The following ST6GALNAC3 variants were observed in gnomAD, a reference collection of about 807,000 sequenced individuals.
ST6GALNAC3 encodes ST6 N-acetylgalactosaminide alpha-2,6-sialyltransferase 3, also known as alpha-N-acetylgalactosaminide alpha-2,6-sialyltransferase 3.
Under a neutral mutation model 32.7 loss-of-function variants are expected in ST6GALNAC3, and 25 were observed. The observed-to-expected ratio is 0.76, with a 90% CI of 0.56 to 1.07. The LOEUF (loss-of-function observed/expected upper bound fraction) is 1.07. ST6GALNAC3 is among the 50% of genes least tolerant of loss of function. The pLI, the probability that ST6GALNAC3 is intolerant of heterozygous loss-of-function variation, is 0.00. For missense variants in ST6GALNAC3, 355 were observed against 382.4 expected (o/e 0.93, Z 0.60); for synonymous variants, 129 against 133.1 (o/e 0.97, Z 0.21).
intron 3 of ST6GALNAC3, among the ~76,000 whole-genome samples, chr1:76,550,825 G>A (rs971599519): frequency 2.6e-5 from 4 of 151,992 alleles, no homozygotes; most frequent in Non-Finnish European, 4.4e-5. Flanking sequence ...ATCTCAGTTC[G>A]GTTCACTGCA....
chr1:76,281,133 A>G (rs922864110), intron 1 of ST6GALNAC3, among the ~76,000 whole-genome samples: 1 of 152,218 alleles, frequency 6.6e-6, no homozygotes, highest in Non-Finnish European at 1.5e-5. Flanking sequence ...TAGCAGAGCC[A>G]CTAACTGATA....
At chr1:76,356,434 T>TAAA (rs3079481) in intron 2 of ST6GALNAC3, among the ~76,000 whole-genome samples, 36,771 of 120,144 alleles carry the variant, frequency 0.31, 7,454 homozygotes, top group African/African-American at 0.55. Context: ...ACAGTAGGGT[T>TAAA]AAAAAAAAAA....
chr1:76,567,156 C>T lies in ST6GALNAC3; in HGVS notation c.624-60296C>T, dbSNP rs561870487. On this transcript the variant is annotated intron_variant, in intron 3 of 4. Coordinates refer to ENST00000328299, the MANE Select transcript of ST6GALNAC3 (RefSeq NM_152996.4). Reference sequence around the variant, plus strand: ...AAAGAGTATTTTTGTAATCTTTTTTCAGCAAATGCCTGGATCAAATTCAAT... The same window carrying T: ...AAAGAGTATTTTTGTAATCTTTTTTTAGCAAATGCCTGGATCAAATTCAAT... 1.1e-4 allele frequency among the ~76,000 whole-genome samples: 17 copies of T among 152,240 alleles called. 1 individual carries two copies. In the East Asian group the frequency reaches 3.1e-3, roughly 28 times the overall value.
chr1:76,572,709 G>A (rs1313559186), intron 3 of ST6GALNAC3, among the ~76,000 whole-genome samples: 1 of 152,058 alleles, frequency 6.6e-6, no homozygotes, highest in Non-Finnish European at 1.5e-5. Flanking sequence ...GAACACTTAT[G>A]GAATAAGCCA....
chr1:76,632,804 A>AAAC lies in ST6GALNAC3; in HGVS notation c.*4007_*4009dup, dbSNP rs146635024. 6.6e-6 allele frequency: 1 copy of AAAC among 151,604 alleles called. No individual in the cohort carries two copies. Among genetic ancestry groups the AAAC allele is most frequent in the Admixed American group, 6.7e-5 (1 of 15,026 alleles). 9.4% of individuals were successfully genotyped at this position (151,604 alleles called of 1,614,324 possible). On this transcript the variant is annotated 3_prime_UTR_variant, in exon 5 of 5. Coordinates refer to ENST00000328299, the MANE Select transcript of ST6GALNAC3 (RefSeq NM_152996.4). ...ATAATCAGATGACTGATTTAAAAAAAAACAACAACAATGTGCCCATCTAGC... is the reference window on the plus strand; with the variant it reads ...ATAATCAGATGACTGATTTAAAAAAAAACAACAACAACAATGTGCCCATCTAGC...
At chr1:76,175,848 G>A (rs1652816394) in intron 1 of ST6GALNAC3, among the ~76,000 whole-genome samples, 1 of 152,096 alleles carries the variant, frequency 6.6e-6, no homozygotes, top group Admixed American at 6.5e-5. Context: ...TAAGACTGAA[G>A]GTACTAATCA....
chr1:76,604,530 C>A (rs1446101508), intron 3 of ST6GALNAC3, among the ~76,000 whole-genome samples: 2 of 152,192 alleles, frequency 1.3e-5, no homozygotes, highest in Non-Finnish European at 2.9e-5. Flanking sequence ...GCTCACACCT[C>A]AAATGTTAGT....
chr1:76,349,708 C>T (rs1381529385), intron 2 of ST6GALNAC3, among the ~76,000 whole-genome samples: 2 of 152,164 alleles, frequency 1.3e-5, no homozygotes, highest in Non-Finnish European at 2.9e-5. Context: ...ATTGACTCCT[C>T]TCTATAAAAA....
chr1:76,278,954 A>G (rs1356086150), intron 1 of ST6GALNAC3, among the ~76,000 whole-genome samples: 6 of 152,226 alleles, frequency 3.9e-5, no homozygotes, highest in Non-Finnish European at 7.3e-5. Flanking sequence ...GCATTTGAGT[A>G]CAATGACCGG....
At chr1:76,253,659 T>C (rs1333668552) in intron 1 of ST6GALNAC3, among the ~76,000 whole-genome samples, 3 of 152,290 alleles carry the variant, frequency 2.0e-5, no homozygotes, top group Admixed American at 6.5e-5. Context: ...TGGAAAATTA[T>C]TGATGCAATT....
intron 2 of ST6GALNAC3, among the ~76,000 whole-genome samples, chr1:76,320,033 A>C (rs148837374): frequency 1.3e-5 from 2 of 152,222 alleles, no homozygotes; most frequent in South Asian, 4.1e-4. Context: ...CTTTCAATCA[A>C]TGACCATATC....
chr1:76,493,324 A>C (rs1470901038), intron 3 of ST6GALNAC3, among the ~76,000 whole-genome samples: 1 of 152,208 alleles, frequency 6.6e-6, no homozygotes, highest in Non-Finnish European at 1.5e-5. Context: ...AGTGCTGCAA[A>C]ATAACCCTTA....
intron 1 of ST6GALNAC3, among the ~76,000 whole-genome samples, chr1:76,171,093 G>GTGTA (rs956425623): frequency 6.2e-5 from 1 of 16,060 alleles, no homozygotes; most frequent in East Asian, 0.038. Context: ...AGAGGGGTGT[G>GTGTA]TGTGTGTGTG....
At chr1:76,390,163 G>T (rs982177897) in intron 2 of ST6GALNAC3, among the ~76,000 whole-genome samples, 1 of 151,926 alleles carries the variant, frequency 6.6e-6, no homozygotes, top group African/African-American at 2.4e-5. Flanking sequence ...TATGGGTTTT[G>T]TTTTGTTTTG....
chr1:76,129,396 C>T (rs771354659), intron 1 of ST6GALNAC3, among the ~76,000 whole-genome samples: 1 of 152,154 alleles, frequency 6.6e-6, no homozygotes, highest in Non-Finnish European at 1.5e-5. Context: ...AGGTGACTGC[C>T]TGCTCCTCTA....
At chr1:76,426,462 A>G (rs892158494) in intron 3 of ST6GALNAC3, among the ~76,000 whole-genome samples, 7 of 151,652 alleles carry the variant, frequency 4.6e-5, no homozygotes, top group African/African-American at 1.5e-4. Flanking sequence ...AGACAACAAC[A>G]TGCATGGAGC....
At chr1:76,095,106 T>TA (rs1647107830) in intron 1 of ST6GALNAC3, among the ~76,000 whole-genome samples, 1 of 152,152 alleles carries the variant, frequency 6.6e-6, no homozygotes. Context: ...TGAATGGAGT[T>TA]AGAGTCCTTT....
At chr1:76,127,093 A>G (rs1649303987) in intron 1 of ST6GALNAC3, among the ~76,000 whole-genome samples, 1 of 152,224 alleles carries the variant, frequency 6.6e-6, no homozygotes, top group Non-Finnish European at 1.5e-5. Context: ...GATTTCTGGA[A>G]TCATCTTCAG....
Position 76,525,791 on chromosome 1 carries a change from G to GTGTATATATATATATATATATATATA in ST6GALNAC3, c.624-101660_624-101659insGTATATATATATATATATATATATAT, listed in dbSNP as rs1438917629. 6.6e-5 allele frequency among the ~76,000 whole-genome samples: 5 copies of GTGTATATATATATATATATATATATA among 75,528 alleles called. 1 individual carries two copies. Among genetic ancestry groups the GTGTATATATATATATATATATATATA allele is most frequent in the Non-Finnish European group, 1.2e-4 (4 of 33,076 alleles). The allele number at this position is 75,528 out of a possible 152,430, so 49.5% of individuals were successfully genotyped here. A position where few individuals can be genotyped will look rare whatever the true frequency, so the allele number is the denominator to read the frequency against. ...TGTGTTTGTGTGTGTGTGTGTGTGT[G>GTGTATATATATATATATATATATATA]TATATATATATATATATATATATAT... is the stretch of plus-strand genomic sequence containing the variant. On this transcript the variant is annotated intron_variant, in intron 3 of 4. Coordinates refer to ENST00000328299, the MANE Select transcript of ST6GALNAC3 (RefSeq NM_152996.4).
Sources: allele counts gnomAD v4.1 joint callset (sites outside exome capture counted in the v4.1 genomes callset), GRCh38; gene constraint gnomAD v4.1.1; transcripts MANE v1.5; gene names NCBI Gene and HGNC (gene_info 2026-07-23, HGNC 2026-07-21).